Variants in MICAL3 observed in about 807,000 individuals in gnomAD.
The protein encoded by MICAL3 is microtubule associated monooxygenase, calponin and LIM domain containing 3.
Under a neutral mutation model 207.4 loss-of-function variants are expected in MICAL3, and 62 were observed. The observed-to-expected ratio is 0.30, with a 90% confidence interval of 0.24 to 0.37. The LOEUF is 0.37. MICAL3 is among the 10% of genes least tolerant of loss of function. MICAL3 has a pLI of 1.00. For synonymous variants in MICAL3, 1,077 were observed against 1,069.3 expected (o/e 1.01, Z -0.14); for missense variants, 2,368 against 2,635.6 (o/e 0.90, Z 2.22).
At chr22:17,795,778 T>A (rs1009393078) in intron 29 of MICAL3, among the ~76,000 whole-genome samples, 1 of 152,128 alleles carries the variant, frequency 6.6e-6, no homozygotes, top group African/African-American at 2.4e-5. Flanking sequence ...CGGGCGAGGC[T>A]ACTTTTATAA....
intron 1 of MICAL3, among the ~76,000 whole-genome samples, chr22:17,934,060 A>G (rs1933399652): frequency 6.6e-6 from 1 of 152,244 alleles, no homozygotes; most frequent in Non-Finnish European, 1.5e-5. Context: ...AGGAACTGGT[A>G]CCATTCCTTC....
At chr22:17,982,338 C>T (rs936213888) in intron 1 of MICAL3, among the ~76,000 whole-genome samples, 2 of 152,162 alleles carry the variant, frequency 1.3e-5, no homozygotes, top group African/African-American at 4.8e-5. Context: ...TTTTCAAAAA[C>T]GGGGGAAAAT....
rs920928707 is a variant in MICAL3 at position 17,966,192 on chromosome 22, T to C, written c.-75+58089A>G. Among the ~76,000 whole-genome samples, 57 of 152,084 alleles carry C rather than the reference T, an allele frequency of 3.7e-4. 3 individuals are homozygous for C. The highest frequency in any genetic ancestry group is 2.4e-5 in the African/African-American group (1 of 41,396). ...ATCATCCACTGCTTCATGCCTCCCA[T>C]CGAATTTCCAGTCCCTGACTCTGGC... is the stretch of plus-strand genomic sequence containing the variant. On this transcript the variant is annotated intron_variant, in intron 1 of 31. Coordinates refer to ENST00000441493, the MANE Select transcript of MICAL3 (RefSeq NM_015241.3).
At chr22:17,791,484 G>A (rs377581036) in intron 29 of MICAL3, 183 bp from the exon 30 acceptor site, 34 of 612,726 alleles carry the variant, frequency 5.5e-5, no homozygotes, top group Middle Eastern at 8.3e-4. Context: ...TGGGGCCTGC[G>A]CTTTCCCGTG....
chr22:17,932,097 C>T (rs1933292875), intron 1 of MICAL3, among the ~76,000 whole-genome samples: 1 of 152,002 alleles, frequency 6.6e-6, no homozygotes, highest in Admixed American at 6.6e-5. Flanking sequence ...GTAGGAGAGG[C>T]CCAACATTCA....
At chr22:17,812,272 C>T (rs925055243) in intron 27 of MICAL3, among the ~76,000 whole-genome samples, 12 of 152,202 alleles carry the variant, frequency 7.9e-5, no homozygotes, top group East Asian at 1.9e-4. Context: ...TGTCCCGACC[C>T]GAGGAACCTG....
intron 20 of MICAL3, among the ~76,000 whole-genome samples, chr22:17,838,917 G>T (rs1445956092): frequency 2.6e-5 from 4 of 151,252 alleles, no homozygotes; most frequent in African/African-American, 9.8e-5. Context: ...GGCCACCCAG[G>T]GAAGTAAGAC....
At position 17,787,823 on chromosome 22, in the gene MICAL3, G is replaced by GCCAGGGACAGAGGCCTGAAGGCATC. The variant is rs1569062555; in HGVS notation, c.*2884_*2908dup. On this transcript the variant is annotated 3_prime_UTR_variant, in exon 32 of 32. Transcript: ENST00000441493. ...GGTCAAAATCGGCCTGAGGATGGCCGCCAGGGACAGAGGCCTGAAGGCATC... is the reference window on the plus strand; with the variant it reads ...GGTCAAAATCGGCCTGAGGATGGCCGCCAGGGACAGAGGCCTGAAGGCATCCCAGGGACAGAGGCCTGAAGGCATC... The GCCAGGGACAGAGGCCTGAAGGCATC allele has an allele frequency of 1.3e-5, 2 of 152,220 alleles. No individual in the cohort carries two copies. The highest frequency in any genetic ancestry group is 2.9e-5 in the Non-Finnish European group (2 of 68,036). 9.4% of individuals were successfully genotyped at this position (152,220 alleles called of 1,614,324 possible). A position where few individuals can be genotyped will look rare whatever the true frequency, so the allele number is the denominator to read the frequency against.
At chr22:17,917,414 C>T (rs1401713531) in intron 1 of MICAL3, among the ~76,000 whole-genome samples, 1 of 152,142 alleles carries the variant, frequency 6.6e-6, no homozygotes, top group Admixed American at 6.5e-5. Flanking sequence ...TCCCACGGTC[C>T]GTTCTTCAGA....
At chr22:17,824,158 C>T (rs1036911107) in intron 22 of MICAL3, among the ~76,000 whole-genome samples, 3 of 152,226 alleles carry the variant, frequency 2.0e-5, no homozygotes, top group African/African-American at 7.2e-5. Context: ...GCTCTGAGGA[C>T]ACTGTGAGAC....
intron 1 of MICAL3, among the ~76,000 whole-genome samples, chr22:17,996,616 C>T (rs410456): frequency 0.23 from 35,123 of 151,968 alleles, 4,716 homozygotes; most frequent in East Asian, 0.52. Flanking sequence ...TTCTCTCCAC[C>T]GGGGCAATCC....
At chr22:17,967,920 G>A (rs1935224046) in intron 1 of MICAL3, among the ~76,000 whole-genome samples, 1 of 152,130 alleles carries the variant, frequency 6.6e-6, no homozygotes, top group Admixed American at 6.6e-5. Flanking sequence ...ACGCACACCT[G>A]TAATCCCAGC....
At chr22:17,954,412 A>C (rs5992913) in intron 1 of MICAL3, among the ~76,000 whole-genome samples, 6,336 of 152,258 alleles carry the variant, frequency 0.042, 441 homozygotes, top group African/African-American at 0.14. Flanking sequence ...ATTCTGGCTC[A>C]GCCAACCTAA....
At position 18,020,613 on chromosome 22, in the gene MICAL3, T is replaced by TAA. The variant is rs55654559; in HGVS notation, c.-75+3666_-75+3667dup. Among the ~76,000 whole-genome samples, 302 of 119,722 alleles carry TAA rather than the reference T, an allele frequency of 2.5e-3. 2 individuals carry two copies. The highest frequency in any genetic ancestry group is 0.022 in the Middle Eastern group (5 of 230). The allele number at this position is 119,722 out of a possible 152,430, so 78.5% of individuals were successfully genotyped here. ...AAAATGGCTGTAAACCTTTAAAAAG[T>TAA]AAAAAAAAAAAAAAAAAAATAGGCT... On this transcript the variant is annotated intron_variant, in intron 1 of 31. Transcript: ENST00000441493.
In MICAL3 at chr22:17,906,835, CCA is replaced by C; in HGVS notation, c.-25_-24del. 1 of 1,554,844 alleles carries C rather than the reference CCA, an allele frequency of 6.4e-7. No homozygotes were observed. Among genetic ancestry groups the C allele is most frequent in the Non-Finnish European group, 8.7e-7 (1 of 1,149,858 alleles). On this transcript the variant is annotated 5_prime_UTR_variant, in exon 2 of 32. Coordinates refer to ENST00000441493, the MANE Select transcript of MICAL3 (RefSeq NM_015241.3). The stretch of plus-strand genomic sequence containing the variant: ...CATGCTGCCTCACTCTCAGCACTCC[CCA>C]GAGGGGGAGGTGGGATGGCTGTGGG...
intron 19 of MICAL3, among the ~76,000 whole-genome samples, chr22:17,846,386 C>T (rs2146086520): frequency 7.1e-6 from 1 of 140,706 alleles, no homozygotes; most frequent in South Asian, 2.2e-4. Context: ...CTCAAAATAC[C>T]ATGGGAAATT....
intron 1 of MICAL3, among the ~76,000 whole-genome samples, chr22:17,923,420 G>A (rs1215862985): frequency 6.6e-6 from 1 of 152,128 alleles, no homozygotes; most frequent in Non-Finnish European, 1.5e-5. Context: ...TTTTTCTACA[G>A]AAGACTTATT....
intron 1 of MICAL3, among the ~76,000 whole-genome samples, chr22:17,977,314 A>T (rs1009657724): frequency 1.4e-4 from 21 of 152,190 alleles, no homozygotes; most frequent in African/African-American, 5.1e-4. Flanking sequence ...TTGTATCCAG[A>T]AGACATAAAG....
intron 19 of MICAL3, among the ~76,000 whole-genome samples, chr22:17,853,441 C>A (rs1925550109): frequency 6.6e-6 from 1 of 152,228 alleles, no homozygotes; most frequent in Non-Finnish European, 1.5e-5. Flanking sequence ...GAGGCCCGTA[C>A]ACAGCCAGTA....
Sources: allele counts gnomAD v4.1 joint callset (sites outside exome capture counted in the v4.1 genomes callset), GRCh38; gene constraint gnomAD v4.1.1; transcripts MANE v1.5; gene names NCBI Gene and HGNC (gene_info 2026-07-23, HGNC 2026-07-21).